BCOR: variants seen among roughly 807,000 people sequenced by gnomAD.
The protein encoded by BCOR is BCL-6 corepressor.
In BCOR, 10 loss-of-function variants were observed where a neutral mutation model predicts 86.7. That is an observed-to-expected ratio of 0.12 (90% CI 0.07 to 0.20). The LOEUF (loss-of-function observed/expected upper bound fraction) is 0.20, where lower values mean the gene tolerates loss of function less well. Among genes scored for constraint, BCOR ranks in the 10% least tolerant of loss-of-function variants. The probability of loss-of-function intolerance (pLI) is 1.00; values close to 1 mark genes in which losing one functional copy is unlikely to be tolerated. For synonymous variants in BCOR, 611 were observed against 609.0 expected (o/e 1.00, Z -0.05); for missense variants, 1,259 against 1,452.1 (o/e 0.87, Z 2.16).
intron 1 of BCOR, among the ~76,000 whole-genome samples, chrX:40,161,183 T>G (rs893238921): frequency 6.6e-5 from 7 of 105,459 alleles, no homozygotes. Flanking sequence ...AATTTTTGTT[T>G]TTTTGTTTTT....
intron 3 of BCOR, 74 bp downstream of exon 3, chrX:40,076,380 A>G (rs1935807351): frequency 2.6e-6 from 2 of 779,766 alleles, no homozygotes; most frequent in Non-Finnish European, 3.8e-6. Context: ...CTTTAAGGGC[A>G]TGCAAATTAA....
At chrX:40,154,283 G>C (rs1206303128) in intron 1 of BCOR, among the ~76,000 whole-genome samples, 1 of 99,103 alleles carries the variant, frequency 1.0e-5, no homozygotes, top group Non-Finnish European at 2.0e-5. Flanking sequence ...ACCGGGAAGA[G>C]AAAGGTCTGC....
At chrX:40,135,745 G>T (rs1937667968) in intron 1 of BCOR, among the ~76,000 whole-genome samples, 1 of 111,375 alleles carries the variant, frequency 9.0e-6, no homozygotes, top group Admixed American at 9.5e-5. Flanking sequence ...ATCTTCCCAG[G>T]TTTCCTGAGA....
Position 40,074,687 on chromosome X carries a change from G to A in BCOR, c.659C>T (p.Ala220Val). 1 of 1,211,811 alleles carries A rather than the reference G, an allele frequency of 8.3e-7. No individual in the cohort carries two copies. Among genetic ancestry groups the A allele is most frequent in the South Asian group, 1.8e-5 (1 of 56,986 alleles). The change falls in exon 4 of 15, where the codon GCC becomes GTC. Residue 220 changes from alanine to valine, a missense_variant. By Grantham distance (64) the Ala-to-Val change is moderately conservative (BLOSUM62 0). Transcript: ENST00000378444. ...PNKYSLNMYK[A>V]LLPQQSYSLA... Reference sequence around the variant, plus strand: ...GCTGTAGGACTGCTGAGGTAGCAAGGCCTTGTACATGTTCAGTGAATACTT... The same window carrying A: ...GCTGTAGGACTGCTGAGGTAGCAAGACCTTGTACATGTTCAGTGAATACTT...
At chrX:40,082,480 G>A (rs934240523) in intron 1 of BCOR, among the ~76,000 whole-genome samples, 4 of 111,594 alleles carry the variant, frequency 3.6e-5, no homozygotes, top group African/African-American at 1.3e-4. Context: ...CAGCTATCCA[G>A]CAGTTAACAG....
intron 1 of BCOR, among the ~76,000 whole-genome samples, chrX:40,094,151 GA>G (rs1054249621): frequency 1.8e-5 from 2 of 111,410 alleles, no homozygotes; most frequent in African/African-American, 6.5e-5. Context: ...AGGGTTAAGA[GA>G]AACCCCCACG....
At chrX:40,057,871 C>A (rs1256989208) in intron 10 of BCOR, among the ~76,000 whole-genome samples, 1 of 111,797 alleles carries the variant, frequency 8.9e-6, no homozygotes, top group African/African-American at 3.3e-5. Flanking sequence ...GAGGAGGATG[C>A]CCAGGAGTTT....
At chrX:40,067,468 T>C (rs987052341) in intron 6 of BCOR, among the ~76,000 whole-genome samples, 2 of 111,802 alleles carry the variant, frequency 1.8e-5, no homozygotes, top group South Asian at 7.5e-4. Flanking sequence ...GTCCCCACCA[T>C]TCCCCGTTCA....
At chrX:40,056,439 G>C (rs1934603011) in intron 11 of BCOR, among the ~76,000 whole-genome samples, 1 of 110,869 alleles carries the variant, frequency 9.0e-6, no homozygotes, top group South Asian at 3.8e-4. Flanking sequence ...AGAAGAAACA[G>C]GCCTGGTGGG....
At chrX:40,054,601 G>T (rs1934497532) in intron 12 of BCOR, among the ~76,000 whole-genome samples, 1 of 110,347 alleles carries the variant, frequency 9.1e-6, no homozygotes, top group East Asian at 2.8e-4. Context: ...CACCTCCCGG[G>T]TTCAAGGGAT....
rs548146661 is a variant in BCOR at position 40,065,803 on chromosome X, A to G, written c.3239-1204T>C. On this transcript the variant is annotated intron_variant, in intron 6 of 14. Coordinates refer to ENST00000378444, the MANE Select transcript of BCOR (RefSeq NM_001123385.2). ...ACTCTGAGCTGAGGCACACAAGTCAATTTCTAGATGAAATAAGCACACGCC... is the reference window on the plus strand; with the variant it reads ...ACTCTGAGCTGAGGCACACAAGTCAGTTTCTAGATGAAATAAGCACACGCC... Among the ~76,000 whole-genome samples the G allele has an allele frequency of 1.4e-3, 160 of 110,636 alleles. 1 individual carries two copies. Among genetic ancestry groups the G allele is most frequent in the African/African-American group, 4.9e-3 (150 of 30,336 alleles).
intron 1 of BCOR, among the ~76,000 whole-genome samples, chrX:40,170,625 AGCGTGAGCCACC>A (rs1272712944): frequency 8.9e-6 from 1 of 111,831 alleles, no homozygotes; most frequent in African/African-American, 3.3e-5. Context: ...TAGGATTACA[AGCGTGAGCCACC>A]GCGCCCAGCC....
At chrX:40,145,724 C>A (rs1938034179) in intron 1 of BCOR, among the ~76,000 whole-genome samples, 1 of 111,621 alleles carries the variant, frequency 9.0e-6, no homozygotes, top group African/African-American at 3.3e-5. Flanking sequence ...GGTCCAGGCC[C>A]CCTCTGCAGA....
At chrX:40,146,457 G>C (rs1436729309) in intron 1 of BCOR, 1 of 112,151 alleles carries the variant, frequency 8.9e-6, no homozygotes, top group Non-Finnish European at 1.9e-5. Context: ...GGAAGCGAGC[G>C]AGGCACAGAC....
chrX:40,085,931 G>A (rs1047010657), intron 1 of BCOR, among the ~76,000 whole-genome samples: 1 of 111,893 alleles, frequency 8.9e-6, no homozygotes, highest in Non-Finnish European at 1.9e-5. Context: ...GCCTGGCGGG[G>A]TACCAGGAAC....
At position 40,071,172 on chromosome X, in the gene BCOR, C is replaced by T. The variant is rs369801365; in HGVS notation, c.3052-13G>A. The T allele has an allele frequency of 8.2e-5, 93 of 1,134,532 alleles. No homozygotes were observed. The South Asian group carries it at 1.5e-3, about 18-fold the overall frequency. The allele number at this position is 1,134,532 out of a possible 1,213,427, so 93.5% of individuals were successfully genotyped here. A position where few individuals can be genotyped will look rare whatever the true frequency, so the allele number is the denominator to read the frequency against. ...GCATCATTGCACGCTAGAAAGAGAACGGAGATGGAAAAAAAAAAAAACAAC... is the reference window on the plus strand; with the variant it reads ...GCATCATTGCACGCTAGAAAGAGAATGGAGATGGAAAAAAAAAAAAACAAC... On this transcript the variant is annotated splice_polypyrimidine_tract_variant and intron_variant, in intron 5 of 14. Coordinates refer to ENST00000378444, the MANE Select transcript of BCOR (RefSeq NM_001123385.2).
intron 1 of BCOR, among the ~76,000 whole-genome samples, chrX:40,120,842 G>A (rs1292947428): frequency 1.8e-5 from 2 of 112,283 alleles, no homozygotes; most frequent in African/African-American, 6.5e-5. Flanking sequence ...GTGGGAGCAG[G>A]AAAGAAGCAC....
rs184163232 is a variant in BCOR, at chrX:40,081,433, G to A, written c.-40-3464C>T. ...CTAGAAGCTGCTGTTGAAATAGCTG[G>A]GGACTTTTTTACCTCTAAGGCCAAG... On this transcript the variant is annotated intron_variant, in intron 1 of 14. Coordinates refer to ENST00000378444, the MANE Select transcript of BCOR (RefSeq NM_001123385.2). Among the ~76,000 whole-genome samples, 13 of 112,306 alleles carry A rather than the reference G, an allele frequency of 1.2e-4. No individual in the cohort carries two copies. In the East Asian group the frequency reaches 3.6e-3, roughly 31 times the overall value.
intron 1 of BCOR, among the ~76,000 whole-genome samples, chrX:40,159,607 C>T (rs1218800031): frequency 8.9e-6 from 1 of 112,425 alleles, no homozygotes; most frequent in African/African-American, 3.2e-5. Context: ...GCCTCGGCCT[C>T]CCAAATTGCT....
Sources: gnomAD v4.1 joint callset for allele counts (sites outside exome capture counted in the v4.1 genomes callset) on GRCh38, gnomAD v4.1.1 for gene constraint, MANE v1.5 for transcripts, NCBI Gene and HGNC (gene_info 2026-07-23, HGNC 2026-07-21) for gene names.